The following USH2A variants were observed in gnomAD, a reference collection of about 807,000 sequenced individuals.
USH2A encodes usherin, also known as Usher syndrome 2A (autosomal recessive, mild).
USH2A carries 443 observed loss-of-function variants against 538.9 expected under a neutral mutation model. The ratio of observed to expected loss-of-function variants is 0.82; its 90% CI spans 0.76 to 0.89. The LOEUF (loss-of-function observed/expected upper bound fraction) is 0.89, where lower values mean the gene tolerates loss of function less well. USH2A is among the 40% of genes least tolerant of loss of function. USH2A has a pLI of 0.00. For missense variants in USH2A, 6,633 were observed against 6,324.8 expected, an observed-to-expected ratio of 1.05 and a Z score of -1.65; for synonymous variants, 2,413 against 2,273.5, an observed-to-expected ratio of 1.06 and a Z score of -1.75.
At chr1:216,392,035 G>A (rs1166791863) in intron 3 of USH2A, among the ~76,000 whole-genome samples, 1 of 152,148 alleles carries the variant, frequency 6.6e-6, no homozygotes, top group Non-Finnish European at 1.5e-5. Context: ...CCTGGACTCA[G>A]TAAAGAGCCA....
chr1:216,102,575 G>A (rs1402578565), intron 21 of USH2A, among the ~76,000 whole-genome samples: 4 of 152,022 alleles, frequency 2.6e-5, no homozygotes, highest in Non-Finnish European at 5.9e-5. Context: ...CGAGGCAGGC[G>A]GATCACGAGG....
At chr1:215,660,778 AAG>A (rs1283770505) in intron 64 of USH2A, among the ~76,000 whole-genome samples, 5 of 152,208 alleles carry the variant, frequency 3.3e-5, no homozygotes, top group African/African-American at 1.2e-4. Flanking sequence ...ATAGGAATCA[AAG>A]AGAGAACCGT....
intron 70 of USH2A, among the ~76,000 whole-genome samples, chr1:215,633,665 C>G (rs1042438182): frequency 6.6e-6 from 1 of 152,146 alleles, no homozygotes; most frequent in Admixed American, 6.5e-5. Flanking sequence ...AAAAAAGGCA[C>G]CTCCTCAGGG....
intron 61 of USH2A, among the ~76,000 whole-genome samples, chr1:215,687,089 T>G (rs1249991317): frequency 6.6e-6 from 1 of 152,082 alleles, no homozygotes; most frequent in Non-Finnish European, 1.5e-5. Context: ...CAAACAGTGA[T>G]GAGGCAGCTG....
chr1:216,187,185 A>G (rs569595441), intron 20 of USH2A, among the ~76,000 whole-genome samples: 2 of 151,992 alleles, frequency 1.3e-5, no homozygotes, highest in South Asian at 4.1e-4. Context: ...AAAATCATTT[A>G]TCTCATTTTC....
intron 40 of USH2A, among the ~76,000 whole-genome samples, chr1:215,899,786 T>TG (rs1398953316): frequency 5.3e-5 from 8 of 152,144 alleles, no homozygotes; most frequent in African/African-American, 1.9e-4. Flanking sequence ...ACCTTTCTCT[T>TG]GCAGGGCGCT....
At chr1:215,646,691 T>A (rs1282162783) in intron 67 of USH2A, among the ~76,000 whole-genome samples, 1 of 152,140 alleles carries the variant, frequency 6.6e-6, no homozygotes, top group African/African-American at 2.4e-5. Flanking sequence ...CATGCCTGGC[T>A]AATTTTTGTA....
In USH2A at chr1:215,757,175, T is replaced by C. The variant is rs574647527; in HGVS notation, c.11389+1420A>G. On this transcript the variant is annotated intron_variant, in intron 58 of 71. Transcript: ENST00000307340. Reference sequence around the variant, plus strand: ...TTTTGTTTAATATGCTGCACATTTATTTTAAACAAAAGTGGGTGAAATCAT... The same window carrying C: ...TTTTGTTTAATATGCTGCACATTTACTTTAAACAAAAGTGGGTGAAATCAT... Among the ~76,000 whole-genome samples, 11 of 152,352 alleles carry C rather than the reference T, an allele frequency of 7.2e-5. No homozygotes were observed. In the South Asian group the frequency reaches 2.3e-3, roughly 32 times the overall value.
chr1:216,058,547 G>T (rs2031061054), intron 30 of USH2A, among the ~76,000 whole-genome samples: 1 of 148,626 alleles, frequency 6.7e-6, no homozygotes. Flanking sequence ...GTAGTGGTTG[G>T]GTTCTATTCT....
intron 68 of USH2A, among the ~76,000 whole-genome samples, chr1:215,639,665 G>A (rs1656612551): frequency 6.6e-6 from 1 of 152,070 alleles, no homozygotes. Flanking sequence ...TCTTCCAATG[G>A]CCAGGAACCT....
intron 30 of USH2A, among the ~76,000 whole-genome samples, chr1:216,050,961 A>G (rs2030764519): frequency 6.6e-6 from 1 of 152,046 alleles, no homozygotes; most frequent in Admixed American, 6.5e-5. Context: ...ACCAAATCAA[A>G]TAGCCCTTCC....
At chr1:215,767,544 C>T (rs191250205) in intron 55 of USH2A, among the ~76,000 whole-genome samples, 17 of 152,200 alleles carry the variant, frequency 1.1e-4, no homozygotes, top group Non-Finnish European at 1.9e-4. Context: ...GTGCTTATTA[C>T]TTCTTTCGTA....
chr1:215,647,607 G>A lies in USH2A; in HGVS notation c.14706C>T (p.Tyr4902=). Residue 4902 remains tyrosine, a synonymous_variant, in exon 67 of 72, where the codon TAC becomes TAT. Coordinates refer to ENST00000307340, the MANE Select transcript of USH2A (RefSeq NM_206933.4). The part of the protein sequence containing the change: ...QKASLGGLQP[Y]TTYKLRVVAH... ...CCACCACTCTCAGCTTGTATGTGGT[G>A]TAGGGCTGGAGACCCCCAAGGCTGG... 1 of 1,614,172 alleles carries A rather than the reference G, an allele frequency of 6.2e-7. No individual in the cohort carries two copies. The highest frequency in any genetic ancestry group is 8.5e-7 in the Non-Finnish European group (1 of 1,180,034).
intron 38 of USH2A, among the ~76,000 whole-genome samples, chr1:215,908,188 C>T (rs1305775205): frequency 6.6e-6 from 1 of 151,940 alleles, no homozygotes. Context: ...TGGTTTCATA[C>T]ATGTCCCTTT....
At chr1:216,216,133 G>A (rs1299201354) in intron 15 of USH2A, among the ~76,000 whole-genome samples, 1 of 152,064 alleles carries the variant, frequency 6.6e-6, no homozygotes, top group African/African-American at 2.4e-5. Flanking sequence ...GCAATCAATT[G>A]TATTGCTAAT....
intron 11 of USH2A, among the ~76,000 whole-genome samples, chr1:216,281,906 T>C (rs1196195012): frequency 4.7e-5 from 6 of 126,808 alleles, no homozygotes; most frequent in Non-Finnish European, 9.6e-5. Flanking sequence ...GTCATCCCAC[T>C]GGTTGGGAAG....
intron 32 of USH2A, 120 bp from the exon 33 acceptor site, chr1:216,000,682 A>G: frequency 8.0e-7 from 1 of 1,242,534 alleles, no homozygotes; most frequent in Non-Finnish European, 1.2e-6. Flanking sequence ...AATATGAATA[A>G]ATAGCCATAA....
chr1:216,018,372 A>G (rs915436788), intron 32 of USH2A, among the ~76,000 whole-genome samples: 1 of 152,212 alleles, frequency 6.6e-6, no homozygotes, highest in African/African-American at 2.4e-5. Flanking sequence ...TGAGGACCAC[A>G]TCCAGCTGGA....
intron 19 of USH2A, 151 bp from the exon 20 acceptor site, chr1:216,190,518 A>C (rs2034694301): frequency 1.0e-6 from 1 of 985,526 alleles, no homozygotes; most frequent in African/African-American, 1.7e-5. Context: ...TTTTTTCTGA[A>C]GAGTCTCGAC....
Sources: allele counts gnomAD v4.1 joint callset (sites outside exome capture counted in the v4.1 genomes callset), GRCh38; gene constraint gnomAD v4.1.1; transcripts MANE v1.5; gene names NCBI Gene and HGNC (gene_info 2026-07-23, HGNC 2026-07-21).